The following CSMD1 variants were observed in gnomAD, a reference collection of about 807,000 sequenced individuals.
CSMD1 encodes the protein CUB and Sushi multiple domains 1.
Under a neutral mutation model 417.5 loss-of-function variants are expected in CSMD1, and 213 were observed. The observed-to-expected ratio is 0.51, with a 90% CI of 0.46 to 0.57. The LOEUF (loss-of-function observed/expected upper bound fraction) is 0.57. CSMD1 is among the 20% of genes least tolerant of loss of function. The pLI is 0.00. For synonymous variants in CSMD1, 2,862 were observed against 1,736.8 expected, an observed-to-expected ratio of 1.65 and a Z score of -16.11; for missense variants, 6,923 against 4,529.7, an observed-to-expected ratio of 1.53 and a Z score of -15.17.
chr8:4,910,676 C>A (rs1174212947), intron 1 of CSMD1, among the ~76,000 whole-genome samples: 1 of 152,092 alleles, frequency 6.6e-6, no homozygotes. Context: ...GAAGGGGGCA[C>A]AAACATTCAG....
chr8:4,874,197 G>C (rs17071727), intron 1 of CSMD1, among the ~76,000 whole-genome samples: 4,620 of 152,162 alleles, frequency 0.03, 252 homozygotes, highest in African/African-American at 0.099. Flanking sequence ...ATGAACATGT[G>C]TGATTAATAA....
chr8:4,004,027 C>T (rs1815909038), intron 4 of CSMD1, among the ~76,000 whole-genome samples: 1 of 151,892 alleles, frequency 6.6e-6, no homozygotes, highest in Non-Finnish European at 1.5e-5. Context: ...AATTAATCAC[C>T]ATAAATACTC....
intron 7 of CSMD1, among the ~76,000 whole-genome samples, chr8:3,668,147 T>C (rs145134513): frequency 6.6e-6 from 1 of 152,024 alleles, no homozygotes; most frequent in African/African-American, 2.4e-5. Context: ...AGATAACGAA[T>C]CTACAGGGGT....
intron 3 of CSMD1, among the ~76,000 whole-genome samples, chr8:4,204,621 A>T (rs1799870352): frequency 6.6e-6 from 1 of 152,210 alleles, no homozygotes; most frequent in South Asian, 2.1e-4. Flanking sequence ...GTAAGGAGAC[A>T]GTAGGCAACA....
chr8:3,000,147 C>G lies in CSMD1; in HGVS notation c.8030-16G>C, dbSNP rs1022994726. On this transcript the variant is annotated splice_polypyrimidine_tract_variant and intron_variant, in intron 52 of 69. Transcript: ENST00000635120. Reference sequence around the variant, plus strand: ...CAGTGGCCAGCTAAAAATGTTAAACCAATTTTAAAATTTAGAGTGTCTGTC... The same window carrying G: ...CAGTGGCCAGCTAAAAATGTTAAACGAATTTTAAAATTTAGAGTGTCTGTC... The G allele has an allele frequency of 6.6e-7, 1 of 1,512,710 alleles. No individual in the cohort carries two copies. The allele number at this position is 1,512,710 out of a possible 1,614,324, so 93.7% of individuals were successfully genotyped here.
At chr8:3,892,624 C>A (rs181811731) in intron 5 of CSMD1, among the ~76,000 whole-genome samples, 4 of 151,730 alleles carry the variant, frequency 2.6e-5, no homozygotes, top group Non-Finnish European at 5.9e-5. Flanking sequence ...CTCTGGTGCA[C>A]GTCAGTACTG....
chr8:4,403,572 A>G (rs899583881), intron 3 of CSMD1, among the ~76,000 whole-genome samples: 10 of 152,166 alleles, frequency 6.6e-5, no homozygotes, highest in African/African-American at 2.4e-4. Context: ...GAAAGGCTTG[A>G]GTTGACTTCT....
intron 5 of CSMD1, among the ~76,000 whole-genome samples, chr8:3,868,004 C>G (rs1016201211): frequency 6.6e-6 from 1 of 152,136 alleles, no homozygotes; most frequent in East Asian, 1.9e-4. Context: ...GGTCACACAC[C>G]TCATCCTTCC....
intron 57 of CSMD1, 147 bp downstream of exon 57, chr8:2,972,970 G>T (rs1585074497): frequency 2.0e-5 from 15 of 758,238 alleles, no homozygotes; most frequent in Admixed American, 3.0e-5. Flanking sequence ...GATTTCTGAT[G>T]ATGCTTCCAC....
intron 2 of CSMD1, among the ~76,000 whole-genome samples, chr8:4,632,473 T>A (rs571026359): frequency 5.9e-5 from 9 of 151,962 alleles, no homozygotes; most frequent in Admixed American, 1.3e-4. Context: ...TATAGTACCA[T>A]TGCACTCCAG....
chr8:2,988,195 G>C (rs1209157289), intron 54 of CSMD1, among the ~76,000 whole-genome samples: 2 of 151,696 alleles, frequency 1.3e-5, no homozygotes, highest in Non-Finnish European at 2.9e-5. Context: ...TGATTCTTTA[G>C]TGAAGTTTTT....
intron 39 of CSMD1, among the ~76,000 whole-genome samples, chr8:3,154,159 G>A (rs1459439008): frequency 1.3e-5 from 2 of 152,210 alleles, no homozygotes; most frequent in African/African-American, 4.8e-5. Flanking sequence ...TTTTAGTAGA[G>A]ATGGGGTTTC....
At chr8:3,966,543 G>C (rs1379215449) in intron 5 of CSMD1, among the ~76,000 whole-genome samples, 1 of 152,112 alleles carries the variant, frequency 6.6e-6, no homozygotes, top group Non-Finnish European at 1.5e-5. Context: ...TTTTGTTTCA[G>C]GTTTATTTTC....
intron 2 of CSMD1, among the ~76,000 whole-genome samples, chr8:4,600,215 G>A (rs1800509879): frequency 1.3e-5 from 1 of 75,558 alleles, no homozygotes; most frequent in African/African-American, 3.8e-5. Context: ...TCTGGCCATG[G>A]ACCCTCCTCA....
intron 3 of CSMD1, among the ~76,000 whole-genome samples, chr8:4,260,195 G>C (rs1803777314): frequency 6.6e-6 from 1 of 152,120 alleles, no homozygotes; most frequent in African/African-American, 2.4e-5. Flanking sequence ...TTATTATCAG[G>C]TGTTGCCTAT....
chr8:4,773,376 C>A (rs1233271859), intron 1 of CSMD1, among the ~76,000 whole-genome samples: 1 of 152,110 alleles, frequency 6.6e-6, no homozygotes, highest in African/African-American at 2.4e-5. Flanking sequence ...CAGAAACTGA[C>A]CAGAAAATCC....
At chr8:3,396,859 G>C (rs1376590351) in intron 16 of CSMD1, among the ~76,000 whole-genome samples, 1 of 151,872 alleles carries the variant, frequency 6.6e-6, no homozygotes, top group Non-Finnish European at 1.5e-5. Context: ...AAAAATGTGT[G>C]ATGAGTTTAA....
intron 7 of CSMD1, among the ~76,000 whole-genome samples, chr8:3,620,093 C>G (rs1163468509): frequency 6.6e-6 from 1 of 151,900 alleles, no homozygotes. Flanking sequence ...CAGAGCAAGG[C>G]TCCAACTGAA....
chr8:3,860,706 T>C (rs560271213), intron 5 of CSMD1, among the ~76,000 whole-genome samples: 74 of 152,316 alleles, frequency 4.9e-4, no homozygotes, highest in African/African-American at 1.7e-3. Context: ...TAAGATGAAC[T>C]AAATGCAATA....
Sources: allele counts gnomAD v4.1 joint callset (sites outside exome capture counted in the v4.1 genomes callset), GRCh38; gene constraint gnomAD v4.1.1; transcripts MANE v1.5; gene names NCBI Gene and HGNC (gene_info 2026-07-23, HGNC 2026-07-21).